The following PLD5 variants were observed in gnomAD, a reference collection of about 807,000 sequenced individuals.
The protein encoded by PLD5 is inactive phospholipase D5.
PLD5 carries 36 observed loss-of-function variants against 61.1 expected under a neutral mutation model. The observed-to-expected ratio is 0.59, with a 90% CI of 0.45 to 0.78. PLD5 has a LOEUF of 0.78. Ranked by LOEUF, PLD5 falls within the 30% of genes least tolerant of loss-of-function variation. The pLI is 0.00. For synonymous variants in PLD5, 243 were observed against 242.8 expected, an observed-to-expected ratio of 1.00 and a Z score of -0.01; for missense variants, 515 against 644.4, an observed-to-expected ratio of 0.80 and a Z score of 2.17.
chr1:242,153,775 G>T (rs1295906078), intron 5 of PLD5, among the ~76,000 whole-genome samples: 1 of 152,158 alleles, frequency 6.6e-6, no homozygotes, highest in African/African-American at 2.4e-5. Flanking sequence ...ATAGTTTGAA[G>T]TCAGGTAGCC....
chr1:242,514,240 T>G (rs972988021), intron 1 of PLD5, among the ~76,000 whole-genome samples: 5 of 152,184 alleles, frequency 3.3e-5, no homozygotes, highest in African/African-American at 1.2e-4. Context: ...GATATACTTG[T>G]TAAGTCACTG....
At chr1:242,156,595 T>C (rs1665390633) in intron 5 of PLD5, among the ~76,000 whole-genome samples, 1 of 152,192 alleles carries the variant, frequency 6.6e-6, no homozygotes, top group Non-Finnish European at 1.5e-5. Context: ...GGATTTTATT[T>C]CTCCCTTGCT....
At chr1:242,425,291 T>A (rs890244659) in intron 1 of PLD5, among the ~76,000 whole-genome samples, 10 of 152,346 alleles carry the variant, frequency 6.6e-5, no homozygotes, top group African/African-American at 2.4e-4. Flanking sequence ...GTAGAGCCTA[T>A]TGCTCTTCAG....
chr1:242,184,245 G>A (rs1270664484), intron 5 of PLD5, among the ~76,000 whole-genome samples: 1 of 152,154 alleles, frequency 6.6e-6, no homozygotes, highest in Non-Finnish European at 1.5e-5. Flanking sequence ...CTTCCGTGGT[G>A]ACCAGAGCAA....
intron 1 of PLD5, among the ~76,000 whole-genome samples, chr1:242,374,039 T>C (rs1178236979): frequency 6.6e-6 from 1 of 152,056 alleles, no homozygotes; most frequent in Non-Finnish European, 1.5e-5. Flanking sequence ...TCGCTGTTCA[T>C]ACAGCCATCA....
At chr1:242,144,944 G>A (rs187374769) in intron 5 of PLD5, among the ~76,000 whole-genome samples, 3 of 152,270 alleles carry the variant, frequency 2.0e-5, no homozygotes, top group African/African-American at 7.2e-5. Context: ...ATTAATGATA[G>A]TAGAAAGAGT....
intron 3 of PLD5, among the ~76,000 whole-genome samples, chr1:242,274,642 T>C (rs1442310265): frequency 1.3e-5 from 2 of 152,034 alleles, no homozygotes; most frequent in East Asian, 3.9e-4. Context: ...TAGTCCCAGC[T>C]ACTCAGGAGG....
chr1:242,134,719 T>G (rs1663570690), intron 5 of PLD5, among the ~76,000 whole-genome samples: 1 of 152,176 alleles, frequency 6.6e-6, no homozygotes, highest in Non-Finnish European at 1.5e-5. Flanking sequence ...TCCTCAACAA[T>G]GCCCTCCCTA....
At chr1:242,262,875 G>A (rs1673450971) in intron 4 of PLD5, among the ~76,000 whole-genome samples, 1 of 151,946 alleles carries the variant, frequency 6.6e-6, no homozygotes, top group African/African-American at 2.4e-5. Context: ...GTGAAATTAA[G>A]AAAACTGATT....
intron 1 of PLD5, among the ~76,000 whole-genome samples, chr1:242,368,959 A>T (rs1661488088): frequency 6.6e-6 from 1 of 152,136 alleles, no homozygotes; most frequent in Non-Finnish European, 1.5e-5. Flanking sequence ...CTGTGTCACC[A>T]CCGTTTGCTC....
intron 1 of PLD5, among the ~76,000 whole-genome samples, chr1:242,410,818 C>T (rs995069634): frequency 6.6e-6 from 1 of 152,086 alleles, no homozygotes; most frequent in South Asian, 2.1e-4. Flanking sequence ...CTCTTTGATG[C>T]TCAGATTCTG....
intron 5 of PLD5, among the ~76,000 whole-genome samples, chr1:242,140,238 A>G (rs1664060091): frequency 6.6e-6 from 1 of 152,238 alleles, no homozygotes; most frequent in African/African-American, 2.4e-5. Context: ...ATAACCCCTC[A>G]TAAAGATGCT....
chr1:242,105,382 C>T (rs1660971510), intron 8 of PLD5, among the ~76,000 whole-genome samples: 1 of 152,130 alleles, frequency 6.6e-6, no homozygotes, highest in Non-Finnish European at 1.5e-5. Context: ...CACCACCACG[C>T]CCAGCTAATT....
At chr1:242,326,356 C>T (rs1020524858) in intron 2 of PLD5, among the ~76,000 whole-genome samples, 8 of 152,064 alleles carry the variant, frequency 5.3e-5, no homozygotes, top group South Asian at 2.1e-4. Context: ...AAAGGTACTG[C>T]GGCTCAAAGT....
At chr1:242,220,240 A>G in intron 4 of PLD5, 125 bp from the exon 5 acceptor site, 2 of 1,276,380 alleles carry the variant, frequency 1.6e-6, no homozygotes, top group Non-Finnish European at 2.2e-6. Flanking sequence ...AAAGCTAAAT[A>G]TTTATGTTAG....
At chr1:242,128,171 G>A (rs1307224928) in intron 5 of PLD5, among the ~76,000 whole-genome samples, 1 of 152,148 alleles carries the variant, frequency 6.6e-6, no homozygotes, top group African/African-American at 2.4e-5. Flanking sequence ...TTGGTGTGGA[G>A]GCACAAATCT....
At chr1:242,361,281 C>A (rs182977429) in intron 1 of PLD5, among the ~76,000 whole-genome samples, 317 of 152,178 alleles carry the variant, frequency 2.1e-3, no homozygotes, top group African/African-American at 7.4e-3. Flanking sequence ...TTAAATATCT[C>A]CTTGGAACAA....
intron 4 of PLD5, among the ~76,000 whole-genome samples, chr1:242,244,927 CAG>C (rs1355527648): frequency 6.6e-6 from 1 of 152,188 alleles, no homozygotes; most frequent in Admixed American, 6.5e-5. Context: ...AAATAGAACT[CAG>C]AGACCTAATT....
chr1:242,258,074 T>C (rs994938280), intron 4 of PLD5, among the ~76,000 whole-genome samples: 1 of 152,262 alleles, frequency 6.6e-6, no homozygotes. Flanking sequence ...TCTTCTCCAG[T>C]GTATTTCAGG....
Sources: allele counts gnomAD v4.1 joint callset (sites outside exome capture counted in the v4.1 genomes callset), GRCh38; gene constraint gnomAD v4.1.1; transcripts MANE v1.5; gene names NCBI Gene and HGNC (gene_info 2026-07-23, HGNC 2026-07-21).